The following STX8 variants were observed in gnomAD, a reference collection of about 807,000 sequenced individuals.
STX8 encodes syntaxin 8, also known as syntaxin-8.
A neutral mutation model predicts 37.5 loss-of-function variants in STX8; 23 were observed. The ratio of observed to expected loss-of-function variants is 0.61; its 90% CI spans 0.44 to 0.87. The LOEUF is 0.87. Among genes scored for constraint, STX8 ranks in the 40% least tolerant of loss-of-function variants. STX8 has a pLI of 0.00. For missense variants in STX8, 313 were observed against 284.7 expected (o/e 1.10, Z -0.71); for synonymous variants, 115 against 99.1 (o/e 1.16, Z -0.95).
intron 7 of STX8, among the ~76,000 whole-genome samples, chr17:9,341,667 C>T (rs1910364169): frequency 6.6e-6 from 1 of 152,124 alleles, no homozygotes; most frequent in African/African-American, 2.4e-5. Context: ...GAACTCCTGA[C>T]CTCAGGTAAT....
intron 6 of STX8, among the ~76,000 whole-genome samples, chr17:9,388,795 C>T (rs1912105691): frequency 7.2e-6 from 1 of 138,838 alleles, no homozygotes; most frequent in Non-Finnish European, 1.5e-5. Context: ...AAGAGCAAAA[C>T]TCTGTCTCAA....
At chr17:9,529,419 ATTC>A (rs1295020686) in intron 4 of STX8, among the ~76,000 whole-genome samples, 7 of 152,228 alleles carry the variant, frequency 4.6e-5, no homozygotes, top group Admixed American at 3.3e-4. Context: ...ATTTGCACTT[ATTC>A]TTTAATTCAA....
chr17:9,355,803 C>T (rs1012156510), intron 7 of STX8, among the ~76,000 whole-genome samples: 5 of 152,116 alleles, frequency 3.3e-5, no homozygotes, highest in Non-Finnish European at 5.9e-5. Flanking sequence ...CCACTGCACC[C>T]GGCCACCTAG....
At chr17:9,405,348 GT>G (rs1351735084) in intron 6 of STX8, among the ~76,000 whole-genome samples, 2 of 152,218 alleles carry the variant, frequency 1.3e-5, no homozygotes, top group South Asian at 2.1e-4. Context: ...AACCTTTGGG[GT>G]TCTGAATGGC....
intron 1 of STX8, among the ~76,000 whole-genome samples, chr17:9,570,975 G>A (rs999447480): frequency 4.6e-5 from 7 of 151,996 alleles, no homozygotes; most frequent in African/African-American, 1.7e-4. Flanking sequence ...AAGGAAACGT[G>A]CCCGGCACAT....
chr17:9,441,752 G>T (rs371008889), intron 6 of STX8, among the ~76,000 whole-genome samples: 16 of 140,530 alleles, frequency 1.1e-4, no homozygotes, highest in Middle Eastern at 4.3e-3. Context: ...CTCAGCTCAC[G>T]GCAAGCTCCG....
At chr17:9,357,149 G>C (rs186776517) in intron 7 of STX8, among the ~76,000 whole-genome samples, 20 of 151,668 alleles carry the variant, frequency 1.3e-4, no homozygotes, top group Middle Eastern at 3.4e-3. Flanking sequence ...TGTATTTTTA[G>C]AGACGGGGTT....
intron 6 of STX8, among the ~76,000 whole-genome samples, chr17:9,491,428 CT>C (rs891025162): frequency 3.9e-5 from 6 of 151,994 alleles, no homozygotes; most frequent in African/African-American, 1.4e-4. Flanking sequence ...TCTTCAAACC[CT>C]TTTTTGCCCT....
intron 5 of STX8, among the ~76,000 whole-genome samples, chr17:9,501,767 A>G (rs1185826198): frequency 6.6e-6 from 1 of 151,928 alleles, no homozygotes; most frequent in Non-Finnish European, 1.5e-5. Context: ...AGGTCAGGAG[A>G]TCGAAACCAG....
Position 9,500,356 on chromosome 17 carries a change from G to A in STX8, c.448+4682C>T, listed in dbSNP as rs367627098. Reference sequence around the variant, plus strand: ...TGAAGGGCAGTGATCCCTGAGAGACGGGAAACAAATGAGGTGAGTTCTAAG... The same window carrying A: ...TGAAGGGCAGTGATCCCTGAGAGACAGGAAACAAATGAGGTGAGTTCTAAG... On this transcript the variant is annotated intron_variant, in intron 5 of 7. Coordinates refer to ENST00000306357, the MANE Select transcript of STX8 (RefSeq NM_004853.3). Among the ~76,000 whole-genome samples, 28 of 152,256 alleles carry A rather than the reference G, an allele frequency of 1.8e-4. 1 individual carries two copies. In the South Asian group the frequency reaches 2.9e-3, roughly 16 times the overall value.
intron 7 of STX8, among the ~76,000 whole-genome samples, chr17:9,263,526 C>T (rs1456917917): frequency 6.6e-6 from 1 of 152,166 alleles, no homozygotes; most frequent in Non-Finnish European, 1.5e-5. Context: ...GCTTTTTTCA[C>T]TTAATTTGTC....
At chr17:9,568,252 T>C (rs1359227049) in intron 2 of STX8, 119 bp downstream of exon 2, 6 of 690,978 alleles carry the variant, frequency 8.7e-6, no homozygotes, top group African/African-American at 1.8e-5. Context: ...ATTCAACATA[T>C]GTAAGCAGAT....
intron 6 of STX8, among the ~76,000 whole-genome samples, chr17:9,431,733 G>T (rs974332908): frequency 6.6e-6 from 1 of 152,170 alleles, no homozygotes; most frequent in Non-Finnish European, 1.5e-5. Context: ...AGAACAGCAG[G>T]TTAGCAACAA....
intron 4 of STX8, among the ~76,000 whole-genome samples, chr17:9,529,398 T>C (rs1007819401): frequency 6.6e-6 from 1 of 152,244 alleles, no homozygotes; most frequent in African/African-American, 2.4e-5. Context: ...ATGTAGTATA[T>C]AAATGCACAT....
Position 9,358,249 on chromosome 17 carries a change from C to T in STX8, c.643+20303G>A, listed in dbSNP as rs191369062. 1.4e-4 allele frequency among the ~76,000 whole-genome samples: 21 copies of T among 152,272 alleles called. No homozygotes were observed. The East Asian group carries it at 3.9e-3, about 28-fold the overall frequency. On this transcript the variant is annotated intron_variant, in intron 7 of 7. Coordinates refer to ENST00000306357, the MANE Select transcript of STX8 (RefSeq NM_004853.3). ...TGGTGCACACCTGTAGTTTCAGCTA[C>T]AGGGGACGAACTCCAGGGCTCAAGT...
In STX8 at chr17:9,557,454, T is replaced by C; in HGVS notation, c.192A>G (p.Arg64=). ...GATACATCTGATGTGTTGACACAGC[T>C]CTTAGCAATAAGTCCTTCAAAAGGG... The part of the protein sequence containing the change: ...KIALLKDLLL[R]AVSTHQITQL... The change falls in exon 3 of 8, where the codon AGA becomes AGG. Residue 64 remains arginine, a synonymous_variant. Coordinates refer to ENST00000306357, the MANE Select transcript of STX8 (RefSeq NM_004853.3). The C allele has an allele frequency of 6.2e-7, 1 of 1,613,950 alleles. No homozygotes were observed. The highest frequency in any genetic ancestry group is 1.3e-5 in the African/African-American group (1 of 75,050).
At chr17:9,308,499 T>C (rs1451745444) in intron 7 of STX8, among the ~76,000 whole-genome samples, 2 of 151,550 alleles carry the variant, frequency 1.3e-5, no homozygotes, top group Admixed American at 1.3e-4. Flanking sequence ...CCGAGGTGGG[T>C]GGATCATGAG....
rs1367954606 is a variant in STX8 at position 9,429,976 on chromosome 17, T to A, written c.542-51323A>T. 5.6e-4 allele frequency among the ~76,000 whole-genome samples: 2 copies of A among 3,546 alleles called. 1 individual carries two copies. The highest frequency in any genetic ancestry group is 0.021 in the East Asian group (2 of 96). 2.3% of individuals were successfully genotyped at this position (3,546 alleles called of 152,430 possible). ...TATATAATATATATATTATATATTA[T>A]ATAGAATATATTATATATAATATAT... On this transcript the variant is annotated intron_variant, in intron 6 of 7. Coordinates refer to ENST00000306357, the MANE Select transcript of STX8 (RefSeq NM_004853.3).
chr17:9,568,345 G>A, intron 2 of STX8, 26 bp downstream of exon 2: 1 of 1,564,802 alleles, frequency 6.4e-7, no homozygotes, highest in Non-Finnish European at 8.8e-7. Flanking sequence ...ACAAATCATT[G>A]GGTACTAATT....
Sources: gnomAD v4.1 joint callset for allele counts (sites outside exome capture counted in the v4.1 genomes callset) on GRCh38, gnomAD v4.1.1 for gene constraint, MANE v1.5 for transcripts, NCBI Gene and HGNC (gene_info 2026-07-23, HGNC 2026-07-21) for gene names.